NEDD4: variants seen among roughly 807,000 people sequenced by gnomAD.
NEDD4 encodes NEDD4 E3 ubiquitin protein ligase.
A neutral mutation model predicts 144.9 loss-of-function variants in NEDD4; 99 were observed. The ratio of observed to expected loss-of-function variants is 0.68; its 90% CI spans 0.58 to 0.81. The LOEUF is 0.81. Ranked by LOEUF, NEDD4 falls within the 30% of genes least tolerant of loss-of-function variation. The pLI is 0.00. For synonymous variants in NEDD4, 318 were observed against 350.6 expected (o/e 0.91, Z 1.04); for missense variants, 985 against 1,065.9 (o/e 0.92, Z 1.06).
intron 7 of NEDD4, among the ~76,000 whole-genome samples, 176 bp from the exon 8 acceptor site, chr15:55,869,857 AC>A (rs1433593413): frequency 3.5e-5 from 5 of 144,548 alleles, no homozygotes; most frequent in African/African-American, 5.1e-5. Flanking sequence ...GAAAAGGCAA[AC>A]ATATATAAAT....
chr15:55,874,049 C>A (rs1254122140), intron 5 of NEDD4, 41 bp from the exon 6 acceptor site: 1 of 1,154,002 alleles, frequency 8.7e-7, no homozygotes, highest in Non-Finnish European at 1.2e-6. Flanking sequence ...GTAATACGCT[C>A]AATTCCTTTA....
At chr15:55,863,146 A>C in intron 8 of NEDD4, 67 bp from the exon 9 acceptor site, 3 of 1,314,934 alleles carry the variant, frequency 2.3e-6, no homozygotes, top group Non-Finnish European at 2.0e-6. Flanking sequence ...TTATATGCTA[A>C]AGGAAATTTA....
At chr15:55,906,371 T>G (rs1306449530) in intron 5 of NEDD4, among the ~76,000 whole-genome samples, 4 of 152,138 alleles carry the variant, frequency 2.6e-5, no homozygotes, top group African/African-American at 7.2e-5. Context: ...AGCAAAGACT[T>G]GGAACCAACC....
At chr15:55,957,764 C>T (rs1308112660) in intron 2 of NEDD4, among the ~76,000 whole-genome samples, 2 of 152,180 alleles carry the variant, frequency 1.3e-5, no homozygotes, top group African/African-American at 2.4e-5. Flanking sequence ...AAATGTGGCA[C>T]ATATATACCA....
chr15:55,851,233 A>C (rs2033967580), intron 13 of NEDD4, among the ~76,000 whole-genome samples: 1 of 152,328 alleles, frequency 6.6e-6, no homozygotes, highest in Non-Finnish European at 1.5e-5. Context: ...AGAAATGGAT[A>C]ATTGAAATGC....
At chr15:55,989,786 A>G (rs1368320168) in intron 1 of NEDD4, among the ~76,000 whole-genome samples, 1 of 152,196 alleles carries the variant, frequency 6.6e-6, no homozygotes, top group Non-Finnish European at 1.5e-5. Flanking sequence ...AAGAGCTGGA[A>G]GAGTAGGTGC....
intron 5 of NEDD4, among the ~76,000 whole-genome samples, chr15:55,886,929 T>C (rs983524452): frequency 5.9e-5 from 9 of 152,120 alleles, no homozygotes; most frequent in South Asian, 2.1e-4. Flanking sequence ...AAGAAGGATA[T>C]TGAAAATTTT....
chr15:55,963,536 G>T (rs1301199049), intron 2 of NEDD4, among the ~76,000 whole-genome samples: 1 of 151,830 alleles, frequency 6.6e-6, no homozygotes, highest in Non-Finnish European at 1.5e-5. Context: ...TACCAAATAG[G>T]TCTATAACTT....
chr15:55,989,944 G>C (rs1396371201), intron 1 of NEDD4, among the ~76,000 whole-genome samples: 1 of 152,058 alleles, frequency 6.6e-6, no homozygotes. Context: ...CTGCCTGTCA[G>C]ATCAGCAGCG....
At chr15:55,989,946 T>C (rs1196063088) in intron 1 of NEDD4, among the ~76,000 whole-genome samples, 2 of 152,056 alleles carry the variant, frequency 1.3e-5, no homozygotes, top group Non-Finnish European at 2.9e-5. Flanking sequence ...GCCTGTCAGA[T>C]CAGCAGCGGC....
intron 5 of NEDD4, among the ~76,000 whole-genome samples, chr15:55,877,295 C>G (rs1203127784): frequency 2.0e-5 from 3 of 152,124 alleles, no homozygotes; most frequent in African/African-American, 7.2e-5. Flanking sequence ...CTTTGTCTTT[C>G]ATAATCTTGA....
At chr15:55,865,409 A>C (rs2034552449) in intron 8 of NEDD4, among the ~76,000 whole-genome samples, 1 of 152,082 alleles carries the variant, frequency 6.6e-6, no homozygotes, top group African/African-American at 2.4e-5. Context: ...GTAGTAACAA[A>C]CTTTTGAAAA....
intron 24 of NEDD4, among the ~76,000 whole-genome samples, chr15:55,835,954 C>T (rs2033171518): frequency 6.6e-6 from 1 of 152,212 alleles, no homozygotes; most frequent in Non-Finnish European, 1.5e-5. Flanking sequence ...TCTACCACTT[C>T]ACACACAGGC....
In NEDD4 at chr15:55,910,975, G is replaced by A. The variant is rs147166155; in HGVS notation, c.291+13671C>T. 2.2e-3 allele frequency among the ~76,000 whole-genome samples: 335 copies of A among 152,212 alleles called. 2 individuals carry two copies. Among genetic ancestry groups the A allele is most frequent in the African/African-American group, 7.7e-3 (318 of 41,526 alleles). ...CCGAAGACCCCCTTCTTTGTCTTCA[G>A]CATGAAGCACCAGGCCTAATCGGAC... On this transcript the variant is annotated intron_variant, in intron 5 of 28. Transcript: ENST00000435532.
intron 5 of NEDD4, among the ~76,000 whole-genome samples, chr15:55,909,120 T>C (rs2036190837): frequency 6.6e-6 from 1 of 152,204 alleles, no homozygotes; most frequent in African/African-American, 2.4e-5. Context: ...AGGCCTACGC[T>C]CTTTCTTCAC....
Position 55,830,520 on chromosome 15 carries a change from T to C in NEDD4, c.2594A>G (p.His865Arg). Reference protein sequence around the residue: ...WGTPEKLPRAHTCFNRLDLPP... With the variant: ...WGTPEKLPRARTCFNRLDLPP... ...GGTCCAAACAACTGCTTACCAGGTATGAGCTCTTGGCAGCTTTTCAGGAGT... is the reference window on the plus strand; with the variant it reads ...GGTCCAAACAACTGCTTACCAGGTACGAGCTCTTGGCAGCTTTTCAGGAGT... Residue 865 changes from histidine to arginine, a missense_variant, in exon 28 of 29, where the codon CAT becomes CGT. His to Arg is a conservative substitution (Grantham distance 29). Transcript: ENST00000435532. The C allele has an allele frequency of 6.2e-7, 1 of 1,613,542 alleles. No homozygotes were observed. Among genetic ancestry groups the C allele is most frequent in the Non-Finnish European group, 8.5e-7 (1 of 1,179,420 alleles).
At chr15:55,978,922 C>CAAAAAAAAA (rs61198421) in intron 1 of NEDD4, among the ~76,000 whole-genome samples, 1 of 128,862 alleles carries the variant, frequency 7.8e-6, no homozygotes, top group Non-Finnish European at 1.7e-5. Context: ...CTTGACAACG[C>CAAAAAAAAA]AAAAAAAAAA....
intron 5 of NEDD4, among the ~76,000 whole-genome samples, chr15:55,876,997 G>T (rs1321669679): frequency 6.6e-6 from 1 of 151,640 alleles, no homozygotes; most frequent in Non-Finnish European, 1.5e-5. Context: ...GAGCCACTGT[G>T]CCCAGCCAAC....
At chr15:55,946,446 A>G (rs2037114716) in intron 4 of NEDD4, among the ~76,000 whole-genome samples, 1 of 152,262 alleles carries the variant, frequency 6.6e-6, no homozygotes, top group Non-Finnish European at 1.5e-5. Context: ...CAATTCAACA[A>G]GAAGAGCTAA....
Sources: gnomAD v4.1 joint callset for allele counts (sites outside exome capture counted in the v4.1 genomes callset) on GRCh38, gnomAD v4.1.1 for gene constraint, MANE v1.5 for transcripts, NCBI Gene and HGNC (gene_info 2026-07-23, HGNC 2026-07-21) for gene names.